The following CADPS2 variants were observed in gnomAD, a reference collection of about 807,000 sequenced individuals.
The protein encoded by CADPS2 is calcium-dependent secretion activator 2.
A neutral mutation model predicts 172.5 loss-of-function variants in CADPS2; 93 were observed. The observed-to-expected ratio is 0.54, with a 90% CI of 0.46 to 0.64. The LOEUF (loss-of-function observed/expected upper bound fraction) is 0.64. Among genes scored for constraint, CADPS2 ranks in the 30% least tolerant of loss-of-function variants. The pLI is 0.00. For synonymous variants in CADPS2, 546 were observed against 555.2 expected, an observed-to-expected ratio of 0.98 and a Z score of 0.23; for missense variants, 1,420 against 1,565.9, an observed-to-expected ratio of 0.91 and a Z score of 1.57.
intron 15 of CADPS2, among the ~76,000 whole-genome samples, chr7:122,443,710 CAAAAAAAAAAAA>C (rs56137420): frequency 3.5e-5 from 2 of 57,846 alleles, no homozygotes; most frequent in Admixed American, 5.5e-4. Context: ...CTGCTTTCTA[CAAAAAAAAAAAA>C]AAAAAAAAAA....
intron 2 of CADPS2, among the ~76,000 whole-genome samples, chr7:122,671,898 ATAAT>A (rs992333219): frequency 1.7e-4 from 26 of 152,302 alleles, no homozygotes; most frequent in African/African-American, 6.0e-4. Flanking sequence ...CATAATTTAA[ATAAT>A]TAATGAACCA....
At chr7:122,632,845 G>T (rs1010533541) in intron 3 of CADPS2, among the ~76,000 whole-genome samples, 3 of 152,172 alleles carry the variant, frequency 2.0e-5, no homozygotes, top group South Asian at 4.1e-4. Flanking sequence ...CATTTAAGTC[G>T]TTAATCCACC....
intron 6 of CADPS2, 146 bp from the exon 7 acceptor site, chr7:122,581,436 A>G: frequency 3.2e-6 from 2 of 621,910 alleles, no homozygotes; most frequent in Non-Finnish European, 5.7e-6. Context: ...AGCAGATGGC[A>G]CAATCAAGAA....
At chr7:122,357,650 C>T (rs910970090) in intron 27 of CADPS2, among the ~76,000 whole-genome samples, 15 of 152,126 alleles carry the variant, frequency 9.9e-5, no homozygotes, top group Admixed American at 2.0e-4. Flanking sequence ...CCCTCCCTGA[C>T]CTTGAACTCA....
intron 1 of CADPS2, among the ~76,000 whole-genome samples, chr7:122,774,310 A>ACT (rs1554418122): frequency 7.6e-5 from 11 of 144,840 alleles, no homozygotes; most frequent in South Asian, 2.2e-4. Flanking sequence ...ACACACACAC[A>ACT]CTCTGGAAAC....
intron 1 of CADPS2, among the ~76,000 whole-genome samples, chr7:122,805,666 C>A (rs1294735102): frequency 6.6e-6 from 1 of 152,098 alleles, no homozygotes; most frequent in Non-Finnish European, 1.5e-5. Flanking sequence ...GTCAAGCAAC[C>A]AGGTATCAGG....
chr7:122,646,917 G>A (rs1177636796), intron 3 of CADPS2, among the ~76,000 whole-genome samples: 2 of 152,152 alleles, frequency 1.3e-5, no homozygotes. Flanking sequence ...AGCAGATAAT[G>A]TAGTATTATA....
chr7:122,816,997 G>C (rs1801636736), intron 1 of CADPS2, among the ~76,000 whole-genome samples: 1 of 149,752 alleles, frequency 6.7e-6, no homozygotes, highest in Non-Finnish European at 1.5e-5. Flanking sequence ...CTGCCCGCCA[G>C]AGAACCCCCC....
intron 25 of CADPS2, among the ~76,000 whole-genome samples, chr7:122,374,348 T>C (rs1490556446): frequency 6.6e-6 from 1 of 152,048 alleles, no homozygotes; most frequent in Non-Finnish European, 1.5e-5. Flanking sequence ...GAGACAAGGA[T>C]GCCCACACTT....
chr7:122,823,506 G>T (rs1328252373), intron 1 of CADPS2, among the ~76,000 whole-genome samples: 1 of 151,702 alleles, frequency 6.6e-6, no homozygotes, highest in African/African-American at 2.4e-5. Flanking sequence ...AATGTGCATA[G>T]AAGTCTCTTG....
chr7:122,660,915 A>T lies in CADPS2; in HGVS notation c.786+2322T>A, dbSNP rs2135312970. Among the ~76,000 whole-genome samples, 2 of 152,304 alleles carry T rather than the reference A, an allele frequency of 1.3e-5. 1 individual carries two copies. The highest frequency in any genetic ancestry group is 6.8e-3 in the Middle Eastern group (2 of 294). On this transcript the variant is annotated intron_variant, in intron 3 of 29. Coordinates refer to ENST00000449022, the MANE Select transcript of CADPS2 (RefSeq NM_017954.11). ...ACAGAGGAAGACTTCGTCTCGGAAA[A>T]AAAAGAAAAACTTCAAGACCCAATT...
intron 11 of CADPS2, among the ~76,000 whole-genome samples, chr7:122,489,169 G>T (rs2058083664): frequency 6.6e-6 from 1 of 152,034 alleles, no homozygotes. Context: ...CTAAAATAAA[G>T]AAATAAAAAG....
Position 122,496,698 on chromosome 7 carries a change from G to C in CADPS2, c.1543-5278C>G, listed in dbSNP as rs192370031. 1.4e-4 allele frequency among the ~76,000 whole-genome samples: 22 copies of C among 152,020 alleles called. No individual in the cohort carries two copies. In the East Asian group the frequency reaches 3.3e-3, roughly 23 times the overall value. On this transcript the variant is annotated intron_variant, in intron 9 of 29. Transcript: ENST00000449022. Reference sequence around the variant, plus strand: ...TTTTGGTTTTTAAATTAATTTCATTGTTATCAGAATAATTCTGAATCTTAG... The same window carrying C: ...TTTTGGTTTTTAAATTAATTTCATTCTTATCAGAATAATTCTGAATCTTAG...
At position 122,474,512 on chromosome 7, in the gene CADPS2, C is replaced by A; in HGVS notation, c.1867G>T (p.Asp623Tyr). 1 of 1,612,414 alleles carries A rather than the reference C, an allele frequency of 6.2e-7. No homozygotes were observed. The highest frequency in any genetic ancestry group is 8.5e-7 in the Non-Finnish European group (1 of 1,179,158). ...ADAQLSGKDA[D>Y]RFQKHGMDEF... ...TCCATACCATGTTTCTGAAAACGAT[C>A]TGCATCTGTAAATTCAGGAAAGCAT... The change falls in exon 13 of 30, where the codon GAT becomes TAT. Residue 623 changes from aspartate to tyrosine, a missense_variant. Transcript: ENST00000449022.
intron 16 of CADPS2, 48 bp from the exon 17 acceptor site, chr7:122,438,512 C>T (rs750589343): frequency 1.3e-6 from 2 of 1,593,730 alleles, no homozygotes; most frequent in Non-Finnish European, 1.7e-6. Flanking sequence ...TGGGGATAGA[C>T]AGATGGAAGA....
intron 9 of CADPS2, among the ~76,000 whole-genome samples, chr7:122,497,479 C>A (rs965780250): frequency 3.3e-5 from 5 of 152,082 alleles, no homozygotes; most frequent in Non-Finnish European, 5.9e-5. Flanking sequence ...TTCCTTAAAT[C>A]TTGTTTTTAA....
At chr7:122,731,166 T>C (rs1446447952) in intron 2 of CADPS2, among the ~76,000 whole-genome samples, 1 of 151,574 alleles carries the variant, frequency 6.6e-6, no homozygotes, top group Non-Finnish European at 1.5e-5. Context: ...GGAACCAAAG[T>C]AGAACATAAA....
rs746822173 is a variant in CADPS2 at position 122,496,157 on chromosome 7, CTTTA to C, written c.1543-4741_1543-4738del. Reference sequence around the variant, plus strand: ...ATCTCTTCATTTGGGATATTTATCTCTTTATTTATTTATTTATTTATTGAGACAG... The same window carrying C: ...ATCTCTTCATTTGGGATATTTATCTCTTTATTTATTTATTTATTGAGACAG... On this transcript the variant is annotated intron_variant, in intron 9 of 29. Coordinates refer to ENST00000449022, the MANE Select transcript of CADPS2 (RefSeq NM_017954.11). Among the ~76,000 whole-genome samples, 826 of 151,864 alleles carry C rather than the reference CTTTA, an allele frequency of 5.4e-3. 10 individuals carry two copies. Among genetic ancestry groups the C allele is most frequent in the East Asian group, 0.03 (153 of 5,178 alleles).
At chr7:122,871,566 A>T (rs1819759408) in intron 1 of CADPS2, among the ~76,000 whole-genome samples, 1 of 152,100 alleles carries the variant, frequency 6.6e-6, no homozygotes, top group African/African-American at 2.4e-5. Context: ...TTCCTCTGCT[A>T]AAGAAAGAAA....
Sources: gnomAD v4.1 joint callset for allele counts (sites outside exome capture counted in the v4.1 genomes callset) on GRCh38, gnomAD v4.1.1 for gene constraint, MANE v1.5 for transcripts, NCBI Gene and HGNC (gene_info 2026-07-23, HGNC 2026-07-21) for gene names.